NUMB: variants seen among roughly 807,000 people sequenced by gnomAD.
NUMB encodes the protein NUMB endocytic adaptor protein.
NUMB carries 29 observed loss-of-function variants against 59.7 expected under a neutral mutation model. The ratio of observed to expected loss-of-function variants is 0.49; its 90% CI spans 0.36 to 0.66. The LOEUF (loss-of-function observed/expected upper bound fraction) is 0.66, where lower values mean the gene tolerates loss of function less well. Among genes scored for constraint, NUMB ranks in the 30% least tolerant of loss-of-function variants. NUMB has a pLI of 0.00. For missense variants in NUMB, 723 were observed against 822.0 expected (o/e 0.88, Z 1.47); for synonymous variants, 288 against 288.2 (o/e 1.00, Z 0.01).
chr14:73,313,342 T>C (rs1029258031), intron 6 of NUMB, among the ~76,000 whole-genome samples: 4 of 151,850 alleles, frequency 2.6e-5, no homozygotes, highest in South Asian at 2.1e-4. Flanking sequence ...AAGAAAATGA[T>C]TGCTTATCAG....
chr14:73,340,533 G>A (rs1023282739), intron 4 of NUMB, among the ~76,000 whole-genome samples: 13 of 152,126 alleles, frequency 8.5e-5, no homozygotes, highest in African/African-American at 1.7e-4. Flanking sequence ...GGATGTAAGC[G>A]TAGTGCAAGG....
intron 8 of NUMB, among the ~76,000 whole-genome samples, chr14:73,291,064 TTC>T (rs141418685): frequency 0.015 from 2,246 of 152,126 alleles, 54 homozygotes; most frequent in African/African-American, 0.048. Context: ...AACTTAGTAT[TTC>T]TGTTTAGTTT....
At chr14:73,405,433 CTCTT>C (rs1463722525) in intron 2 of NUMB, among the ~76,000 whole-genome samples, 3 of 115,226 alleles carry the variant, frequency 2.6e-5, no homozygotes, top group Admixed American at 9.7e-5. Context: ...TTTTTTCTTT[CTCTT>C]TTTTTTTTTT....
chr14:73,425,346 T>G (rs1183329005), intron 1 of NUMB, among the ~76,000 whole-genome samples: 1 of 152,070 alleles, frequency 6.6e-6, no homozygotes, highest in Non-Finnish European at 1.5e-5. Flanking sequence ...GGATATAGAT[T>G]AAGATTAAAT....
At chr14:73,331,775 C>A (rs1891994111) in intron 4 of NUMB, among the ~76,000 whole-genome samples, 1 of 152,174 alleles carries the variant, frequency 6.6e-6, no homozygotes, top group Admixed American at 6.5e-5. Context: ...TGCTGGCTCT[C>A]ATTCTCTCTC....
intron 2 of NUMB, among the ~76,000 whole-genome samples, chr14:73,402,412 G>C (rs187463625): frequency 2.6e-4 from 40 of 152,186 alleles, no homozygotes; most frequent in African/African-American, 9.4e-4. Flanking sequence ...TTGCACTGTA[G>C]ATATATCTAA....
At chr14:73,367,348 T>TATATATATATAGAGAGAGAG (rs1555375287) in intron 2 of NUMB, among the ~76,000 whole-genome samples, 49 of 105,218 alleles carry the variant, frequency 4.7e-4, no homozygotes, top group African/African-American at 2.3e-3. Context: ...TATATATATA[T>TATATATATATAGAGAGAGAG]AGAGAGAGAG....
Position 73,355,574 on chromosome 14 carries a change from T to C in NUMB, c.126+52A>G. 2.6e-6 allele frequency: 4 copies of C among 1,541,616 alleles called. No individual in the cohort carries two copies. In the South Asian group the frequency reaches 3.7e-5, roughly 14 times the overall value. On this transcript the variant is annotated intron_variant, in intron 4 of 12. Coordinates refer to ENST00000555238, the MANE Select transcript of NUMB (RefSeq NM_001005743.2). ...CTTATTAATGAGATTTCACATACAC[T>C]AGATTGTCAGTTCTTTTCCACATAC...
rs1315128424 is a variant in NUMB at position 73,276,546 on chromosome 14, G to A, written c.*32C>T. ...ACCGCTACCCCCTGCTCCCTGTCTG[G>A]TATGGACAAGATACATAGCCATAAT... On this transcript the variant is annotated 3_prime_UTR_variant, in exon 13 of 13. Transcript: ENST00000555238. The A allele has an allele frequency of 3.9e-6, 6 of 1,552,926 alleles. No individual in the cohort carries two copies. Among genetic ancestry groups the A allele is most frequent in the African/African-American group, 1.4e-5 (1 of 73,694 alleles).
chr14:73,331,248 A>T (rs80035498), intron 4 of NUMB, among the ~76,000 whole-genome samples: 7,854 of 152,256 alleles, frequency 0.052, 664 homozygotes, highest in African/African-American at 0.18. Context: ...ATTCTGGATT[A>T]TGAAATTTGC....
At position 73,279,439 on chromosome 14, in the gene NUMB, GACA is replaced by G. The variant is rs1888454475; in HGVS notation, c.1097-18_1097-16del. ...AGTGCCATTAGCTACAACGGGAGCAGACAACATCAATGGAGTTAATTCATGCAG... is the reference window on the plus strand; with the variant it reads ...AGTGCCATTAGCTACAACGGGAGCAGACATCAATGGAGTTAATTCATGCAG... On this transcript the variant is annotated splice_polypyrimidine_tract_variant and intron_variant, in intron 11 of 12. Coordinates refer to ENST00000555238, the MANE Select transcript of NUMB (RefSeq NM_001005743.2). 3.8e-6 allele frequency: 6 copies of G among 1,560,960 alleles called. No individual in the cohort carries two copies. The highest frequency in any genetic ancestry group is 1.2e-5 in the South Asian group (1 of 80,970).
intron 3 of NUMB, among the ~76,000 whole-genome samples, chr14:73,363,122 C>T (rs912129105): frequency 2.0e-5 from 3 of 152,098 alleles, no homozygotes; most frequent in Non-Finnish European, 4.4e-5. Flanking sequence ...ATGGCAAAAT[C>T]CCATCTCTAT....
chr14:73,372,152 G>C (rs1894702873), intron 2 of NUMB, among the ~76,000 whole-genome samples: 1 of 151,286 alleles, frequency 6.6e-6, no homozygotes, highest in African/African-American at 2.4e-5. Flanking sequence ...AGAATCACTT[G>C]AACTTGGGAG....
intron 4 of NUMB, among the ~76,000 whole-genome samples, chr14:73,346,320 A>C (rs1005505090): frequency 6.6e-6 from 1 of 152,060 alleles, no homozygotes; most frequent in Non-Finnish European, 1.5e-5. Context: ...GTCTCTACTA[A>C]AAATACAAAA....
intron 2 of NUMB, among the ~76,000 whole-genome samples, chr14:73,371,021 A>C (rs374381140): frequency 1.3e-5 from 1 of 75,056 alleles, no homozygotes; most frequent in Non-Finnish European, 2.4e-5. Context: ...CTGATCTTGA[A>C]CTCCTGGACT....
intron 1 of NUMB, among the ~76,000 whole-genome samples, chr14:73,434,194 G>C (rs562925224): frequency 9.2e-5 from 14 of 152,224 alleles, no homozygotes; most frequent in Admixed American, 3.3e-4. Flanking sequence ...AATCCATTTA[G>C]CACTGAAAGT....
chr14:73,432,812 A>T (rs1052035406), intron 1 of NUMB, among the ~76,000 whole-genome samples: 17 of 152,234 alleles, frequency 1.1e-4, no homozygotes, highest in Admixed American at 5.9e-4. Context: ...ATTGGCCAAA[A>T]ACTCTAGCCC....
chr14:73,311,271 G>C (rs904730755), intron 6 of NUMB, among the ~76,000 whole-genome samples: 9 of 152,088 alleles, frequency 5.9e-5, no homozygotes, highest in Non-Finnish European at 1.3e-4. Flanking sequence ...GGCCAGACTC[G>C]TCTTGAACTC....
intron 2 of NUMB, among the ~76,000 whole-genome samples, chr14:73,370,034 T>C (rs963361162): frequency 6.6e-6 from 1 of 152,172 alleles, no homozygotes; most frequent in Admixed American, 6.5e-5. Flanking sequence ...ATGAAATTCA[T>C]CCATACTCTT....
Sources: gnomAD v4.1 joint callset for allele counts (sites outside exome capture counted in the v4.1 genomes callset) on GRCh38, gnomAD v4.1.1 for gene constraint, MANE v1.5 for transcripts, NCBI Gene and HGNC (gene_info 2026-07-23, HGNC 2026-07-21) for gene names.